HOOK3: variants seen among roughly 807,000 people sequenced by gnomAD.
HOOK3 encodes the protein protein Hook homolog 3.
HOOK3 carries 24 observed loss-of-function variants against 116.3 expected under a neutral mutation model. The observed-to-expected ratio is 0.21, with a 90% CI of 0.15 to 0.29. HOOK3 has a LOEUF of 0.29. HOOK3 is among the 10% of genes least tolerant of loss of function. The probability of loss-of-function intolerance (pLI) is 1.00; values close to 1 mark genes in which losing one functional copy is unlikely to be tolerated. For missense variants in HOOK3, 632 were observed against 830.2 expected (o/e 0.76, Z 2.93); for synonymous variants, 275 against 283.0 (o/e 0.97, Z 0.28).
chr8:42,925,164 C>A (rs1349789600), intron 2 of HOOK3, among the ~76,000 whole-genome samples: 1 of 151,888 alleles, frequency 6.6e-6, no homozygotes, highest in Admixed American at 6.6e-5. Flanking sequence ...GTGGTGTAAT[C>A]TTGGCTTGCT....
chr8:43,023,060 G>A lies in HOOK3; in HGVS notation c.*4562G>A, dbSNP rs993720301. Reference sequence around the variant, plus strand: ...CATCTCTACTAAAAATACAGTATTAGCCAGGCATGGTGGCAGGCGCCTGTG... The same window carrying A: ...CATCTCTACTAAAAATACAGTATTAACCAGGCATGGTGGCAGGCGCCTGTG... On this transcript the variant is annotated 3_prime_UTR_variant, in exon 22 of 22. Coordinates refer to ENST00000307602, the MANE Select transcript of HOOK3 (RefSeq NM_032410.4). 1 of 156,544 alleles carries A rather than the reference G, an allele frequency of 6.4e-6. No individual in the cohort carries two copies. Among genetic ancestry groups the A allele is most frequent in the Non-Finnish European group, 1.4e-5 (1 of 70,594 alleles). The allele number at this position is 156,544 out of a possible 1,614,324, so 9.7% of individuals were successfully genotyped here.
At chr8:42,978,583 G>A (rs1238247876) in intron 13 of HOOK3, among the ~76,000 whole-genome samples, 1 of 151,868 alleles carries the variant, frequency 6.6e-6, no homozygotes, top group African/African-American at 2.4e-5. Flanking sequence ...GCTAGTTTTT[G>A]TATTTTTTTT....
In HOOK3 at chr8:42,898,918, A is replaced by G. The variant is rs189226345; in HGVS notation, c.57+1730A>G. Among the ~76,000 whole-genome samples, 66 of 152,366 alleles carry G rather than the reference A, an allele frequency of 4.3e-4. 1 individual carries two copies. Among genetic ancestry groups the G allele is most frequent in the Admixed American group, 3.9e-3 (60 of 15,310 alleles). On this transcript the variant is annotated intron_variant, in intron 1 of 21. Coordinates refer to ENST00000307602, the MANE Select transcript of HOOK3 (RefSeq NM_032410.4). The stretch of plus-strand genomic sequence containing the variant: ...ACAATTGGGCAAAATCATCTACCAC[A>G]AAACGTGTTTTATAATAAATTGTTG...
intron 6 of HOOK3, among the ~76,000 whole-genome samples, chr8:42,951,627 A>G (rs1808346576): frequency 6.6e-6 from 1 of 152,178 alleles, no homozygotes. Context: ...CAGGACATGA[A>G]TATGCACCTA....
Position 42,946,567 on chromosome 8 carries a change from C to T in HOOK3, c.400+3122C>T, listed in dbSNP as rs1808230583. The stretch of plus-strand genomic sequence containing the variant: ...TTTTTTCTTGTTTCCCCACTGTTTA[C>T]CCCTTATAGTGCAAAACAGATTTCT... On this transcript the variant is annotated intron_variant, in intron 5 of 21. Coordinates refer to ENST00000307602, the MANE Select transcript of HOOK3 (RefSeq NM_032410.4). 2.0e-5 allele frequency among the ~76,000 whole-genome samples: 3 copies of T among 151,794 alleles called. No homozygotes were observed. The South Asian group carries it at 6.3e-4, about 32-fold the overall frequency.
intron 19 of HOOK3, among the ~76,000 whole-genome samples, chr8:43,010,963 C>G (rs117497324): frequency 0.012 from 1,892 of 151,982 alleles, 19 homozygotes; most frequent in Non-Finnish European, 0.018. Context: ...GCATTCATCT[C>G]TGAGTCCTGG....
At chr8:42,939,467 C>T (rs1188254161) in intron 4 of HOOK3, among the ~76,000 whole-genome samples, 140 of 145,632 alleles carry the variant, frequency 9.6e-4, no homozygotes, top group African/African-American at 3.3e-3. Flanking sequence ...CCAGTAGGGG[C>T]GGCCGGGCAG....
intron 1 of HOOK3, 193 bp downstream of exon 1, chr8:42,897,381 G>C (rs1807025629): frequency 2.6e-6 from 1 of 390,684 alleles, no homozygotes; most frequent in Middle Eastern, 6.6e-4. Context: ...GCTGTTCCGG[G>C]CGGACCCCGG....
rs1174521924 is a variant in HOOK3 at position 42,982,658 on chromosome 8, A to C, written c.1353A>C (p.Ser451=). Residue 451 remains serine (S), a synonymous_variant, in exon 14 of 22, where the codon TCA becomes TCC. Transcript: ENST00000307602. ...GLMPLGSQES[S]DSLAAEIVTP... The stretch of plus-strand genomic sequence containing the variant: ...TGCCTCTTGGAAGTCAGGAGTCTTC[A>C]GACAGTCTAGCTGCAGAGATTGTTA... The C allele has an allele frequency of 6.2e-7, 1 of 1,612,846 alleles. No homozygotes were observed. Among genetic ancestry groups the C allele is most frequent in the Non-Finnish European group, 8.5e-7 (1 of 1,178,908 alleles).
intron 6 of HOOK3, 130 bp downstream of exon 6, chr8:42,950,585 T>C (rs1808320756): frequency 1.9e-6 from 1 of 521,796 alleles, no homozygotes; most frequent in South Asian, 3.7e-5. Context: ...ATTTATGATA[T>C]AGCTTTTCTT....
At chr8:43,009,990 G>C (rs1809573421) in intron 18 of HOOK3, among the ~76,000 whole-genome samples, 2 of 151,258 alleles carry the variant, frequency 1.3e-5, no homozygotes, top group Non-Finnish European at 2.9e-5. Context: ...AACTAAGGCT[G>C]AATAATATTA....
chr8:42,957,923 G>T (rs1037865698), intron 7 of HOOK3, among the ~76,000 whole-genome samples: 1 of 149,368 alleles, frequency 6.7e-6, no homozygotes, highest in Non-Finnish European at 1.5e-5. Context: ...TTCACCTCCC[G>T]GGTTCTCACC....
At chr8:43,005,199 C>CTGTA (rs151178560) in intron 17 of HOOK3, among the ~76,000 whole-genome samples, 2 of 95,236 alleles carry the variant, frequency 2.1e-5, no homozygotes, top group African/African-American at 7.8e-5. Flanking sequence ...CTCTCTCTCT[C>CTGTA]TATATATATA....
At chr8:42,998,519 C>A (rs991806340) in intron 16 of HOOK3, among the ~76,000 whole-genome samples, 2 of 152,012 alleles carry the variant, frequency 1.3e-5, no homozygotes, top group African/African-American at 2.4e-5. Context: ...ATAGATGTAG[C>A]CAATTCCATT....
chr8:42,950,013 C>T (rs539782320), intron 5 of HOOK3, among the ~76,000 whole-genome samples: 5 of 151,640 alleles, frequency 3.3e-5, no homozygotes, highest in African/African-American at 1.2e-4. Context: ...TGTTTAACTG[C>T]ATAGCAAAGA....
chr8:42,912,167 A>G (rs1165294683), intron 2 of HOOK3, among the ~76,000 whole-genome samples: 1 of 152,200 alleles, frequency 6.6e-6, no homozygotes, highest in Non-Finnish European at 1.5e-5. Flanking sequence ...TACTGGAAAC[A>G]TCAGTCCTTC....
chr8:43,000,145 C>G, intron 16 of HOOK3: 1 of 567,022 alleles, frequency 1.8e-6, no homozygotes, highest in Non-Finnish European at 2.9e-6. Context: ...GAGACTCCGT[C>G]TGAAAAAAGA....
At position 42,949,056 on chromosome 8, in the gene HOOK3, G is replaced by A. The variant is rs543214901; in HGVS notation, c.401-1332G>A. Among the ~76,000 whole-genome samples, 136 of 152,170 alleles carry A rather than the reference G, an allele frequency of 8.9e-4. 1 individual carries two copies. The highest frequency in any genetic ancestry group is 3.1e-3 in the African/African-American group (130 of 41,542). On this transcript the variant is annotated intron_variant, in intron 5 of 21. Transcript: ENST00000307602. ...TATTTTAAATCCTGTGTTGGGTAGA[G>A]GATTACAGTTGTCATTTCAAATACA... is the stretch of plus-strand genomic sequence containing the variant.
intron 12 of HOOK3, among the ~76,000 whole-genome samples, chr8:42,973,617 T>C (rs1468986368): frequency 1.3e-5 from 2 of 152,238 alleles, no homozygotes; most frequent in African/African-American, 4.8e-5. Flanking sequence ...TTCTTTTTTA[T>C]ATAGTTATCT....
Sources: gnomAD v4.1 joint callset for allele counts (sites outside exome capture counted in the v4.1 genomes callset) on GRCh38, gnomAD v4.1.1 for gene constraint, MANE v1.5 for transcripts, NCBI Gene and HGNC (gene_info 2026-07-23, HGNC 2026-07-21) for gene names.